PRLR: variants seen among roughly 807,000 people sequenced by gnomAD.
PRLR encodes the protein hPRL receptor.
PRLR carries 13 observed loss-of-function variants against 40.2 expected under a neutral mutation model. The observed-to-expected ratio is 0.32, with a 90% CI of 0.21 to 0.51. The LOEUF (loss-of-function observed/expected upper bound fraction) is 0.51, where lower values mean the gene tolerates loss of function less well. Among genes scored for constraint, PRLR ranks in the 20% least tolerant of loss-of-function variants. The pLI, the probability that PRLR is intolerant of heterozygous loss-of-function variation, is 0.97. For synonymous variants in PRLR, 269 were observed against 278.7 expected, an observed-to-expected ratio of 0.97 and a Z score of 0.35; for missense variants, 656 against 747.3, an observed-to-expected ratio of 0.88 and a Z score of 1.42.
rs540912763 is a variant in PRLR at position 35,057,658 on chromosome 5, G to A, written c.*7431C>T. ...GAGGAGATAAATGAATAAAACCATG[G>A]AAAACAGAGAGCACAATGTGCCATA... On this transcript the variant is annotated 3_prime_UTR_variant, in exon 10 of 10. Coordinates refer to ENST00000618457, the MANE Select transcript of PRLR (RefSeq NM_000949.7). The A allele has an allele frequency of 6.6e-6, 1 of 152,106 alleles. No homozygotes were observed. Among genetic ancestry groups the A allele is most frequent in the East Asian group, 1.9e-4 (1 of 5,184 alleles). 9.4% of individuals were successfully genotyped at this position (152,106 alleles called of 1,614,324 possible).
At chr5:35,205,940 T>C (rs1013645151) in intron 1 of PRLR, among the ~76,000 whole-genome samples, 2 of 152,196 alleles carry the variant, frequency 1.3e-5, no homozygotes, top group African/African-American at 4.8e-5. Flanking sequence ...AGTAGATTGA[T>C]TTTTATTCCT....
At chr5:35,087,435 T>A (rs965171498) in intron 3 of PRLR, among the ~76,000 whole-genome samples, 21 of 151,404 alleles carry the variant, frequency 1.4e-4, no homozygotes, top group African/African-American at 5.1e-4. Context: ...TGTGTGTGTG[T>A]GTGTGTGTGT....
intron 1 of PRLR, chr5:35,195,740 A>G (rs915765700): frequency 6.6e-6 from 1 of 151,698 alleles, no homozygotes; most frequent in Admixed American, 6.6e-5. Context: ...CCTACTGTTA[A>G]TAATTGATCT....
intron 2 of PRLR, among the ~76,000 whole-genome samples, chr5:35,117,200 G>T (rs1347772160): frequency 6.6e-6 from 1 of 152,180 alleles, no homozygotes; most frequent in Non-Finnish European, 1.5e-5. Flanking sequence ...CTCAGAACTT[G>T]ACACCAAAGC....
chr5:35,211,134 A>G (rs151298860), intron 1 of PRLR, among the ~76,000 whole-genome samples: 1 of 152,330 alleles, frequency 6.6e-6, no homozygotes, highest in African/African-American at 2.4e-5. Flanking sequence ...GGTTTAAAGA[A>G]TTACGGAATG....
chr5:35,076,091 C>T (rs369951673), intron 5 of PRLR, among the ~76,000 whole-genome samples: 3 of 152,268 alleles, frequency 2.0e-5, no homozygotes, highest in East Asian at 3.9e-4. Flanking sequence ...TGGGGAGAAA[C>T]CAGAGCAGAA....
At chr5:35,159,723 T>C (rs2111900112) in intron 1 of PRLR, among the ~76,000 whole-genome samples, 1 of 152,310 alleles carries the variant, frequency 6.6e-6, no homozygotes, top group South Asian at 2.1e-4. Flanking sequence ...TGGGGGCATT[T>C]TCTGTATTTT....
chr5:35,184,539 A>G (rs1775375307), intron 1 of PRLR, among the ~76,000 whole-genome samples: 1 of 152,108 alleles, frequency 6.6e-6, no homozygotes, highest in South Asian at 2.1e-4. Flanking sequence ...AAAGAAACAA[A>G]CAAAAAACAA....
intron 1 of PRLR, among the ~76,000 whole-genome samples, chr5:35,174,519 A>G (rs1775091631): frequency 6.6e-6 from 1 of 152,226 alleles, no homozygotes; most frequent in South Asian, 2.1e-4. Context: ...AGTGTTTTCC[A>G]TGCCTTTCTC....
rs1276221888 is a variant in PRLR at position 35,059,398 on chromosome 5, C to G, written c.*5691G>C. The G allele has an allele frequency of 6.8e-6, 1 of 148,134 alleles. No homozygotes were observed. The highest frequency in any genetic ancestry group is 2.6e-5 in the African/African-American group (1 of 37,774). The allele number at this position is 148,134 out of a possible 1,614,324, so 9.2% of individuals were successfully genotyped here. ...ATTAAATCAAGGGAATTGATGTGGA[C>G]AAAACAGCTGCCAGCATGATAGTGT... On this transcript the variant is annotated 3_prime_UTR_variant, in exon 10 of 10. Coordinates refer to ENST00000618457, the MANE Select transcript of PRLR (RefSeq NM_000949.7).
intron 2 of PRLR, among the ~76,000 whole-genome samples, chr5:35,107,982 A>G (rs1299357429): frequency 1.3e-5 from 2 of 152,210 alleles, no homozygotes; most frequent in Non-Finnish European, 2.9e-5. Flanking sequence ...TCAATAAAAC[A>G]CTGGCAAACT....
chr5:35,145,722 C>A (rs1774165648), intron 1 of PRLR, among the ~76,000 whole-genome samples: 1 of 152,184 alleles, frequency 6.6e-6, no homozygotes, highest in Admixed American at 6.5e-5. Context: ...TCATGTCAGG[C>A]CCTCAACAAA....
intron 1 of PRLR, among the ~76,000 whole-genome samples, chr5:35,126,891 G>C (rs1773487596): frequency 6.6e-6 from 1 of 152,308 alleles, no homozygotes; most frequent in African/African-American, 2.4e-5. Context: ...TTCACTTGCT[G>C]ATGAGAAAGA....
At chr5:35,079,522 G>A (rs1770355524) in intron 5 of PRLR, among the ~76,000 whole-genome samples, 1 of 152,106 alleles carries the variant, frequency 6.6e-6, no homozygotes, top group African/African-American at 2.4e-5. Flanking sequence ...ACCTCTTCAA[G>A]GAGAACTACA....
Position 35,157,633 on chromosome 5 carries a change from G to A in PRLR, c.-105-39511C>T, listed in dbSNP as rs1017523799. On this transcript the variant is annotated intron_variant, in intron 1 of 9. Coordinates refer to ENST00000618457, the MANE Select transcript of PRLR (RefSeq NM_000949.7). ...CACTTCCTTCTACTCATGGAAACCT[G>A]AAGTTCCAAGAAGACACTCTGGCAT... Among the ~76,000 whole-genome samples the A allele has an allele frequency of 1.4e-4, 22 of 152,186 alleles. 1 individual carries two copies. Among genetic ancestry groups the A allele is most frequent in the Admixed American group, 1.4e-3 (22 of 15,278 alleles).
chr5:35,089,597 T>G lies in PRLR; in HGVS notation c.24A>C (p.Ala8=), dbSNP rs1771078277. 1.9e-6 allele frequency: 3 copies of G among 1,614,010 alleles called. No individual in the cohort carries two copies. Among genetic ancestry groups the G allele is most frequent in the Non-Finnish European group, 2.5e-6 (3 of 1,179,968 alleles). Residue 8 remains alanine (A), a synonymous_variant, in exon 3 of 10, where the codon GCA becomes GCC. Transcript: ENST00000618457. ...GAAAAAGTAGCAGAGTGAAAACGGT[T>G]GCAGATGCCACATTTTCCTTCATGT... MKENVAS[A]TVFTLLLFLN... is the part of the protein sequence containing the mutation.
intron 2 of PRLR, among the ~76,000 whole-genome samples, chr5:35,090,649 T>C (rs572398012): frequency 3.7e-4 from 57 of 152,154 alleles, no homozygotes; most frequent in Middle Eastern, 3.4e-3. Flanking sequence ...GCTGCCGATC[T>C]TGGGACATTT....
downstream of PRLR, chr5:35,055,560 G>T (rs1444241389): frequency 6.6e-6 from 1 of 151,988 alleles, no homozygotes; most frequent in Non-Finnish European, 1.5e-5. Context: ...TATTTCCGGA[G>T]TTAAAATGCA....
rs543922561 is a variant in PRLR at position 35,189,956 on chromosome 5, G to A, written c.-106+40312C>T. ...GTAGACATCCTGCTTCCCAGTCCAG[G>A]GTTTTCCTGCTGGAGCACAGGAGCC... On this transcript the variant is annotated intron_variant, in intron 1 of 9. Transcript: ENST00000618457. Among the ~76,000 whole-genome samples, 7 of 152,262 alleles carry A rather than the reference G, an allele frequency of 4.6e-5. No homozygotes were observed. The South Asian group carries it at 1.5e-3, about 32-fold the overall frequency.
Sources: gnomAD v4.1 joint callset for allele counts (sites outside exome capture counted in the v4.1 genomes callset) on GRCh38, gnomAD v4.1.1 for gene constraint, MANE v1.5 for transcripts, NCBI Gene and HGNC (gene_info 2026-07-23, HGNC 2026-07-21) for gene names.